CCSER1: variants seen among roughly 807,000 people sequenced by gnomAD.
The protein encoded by CCSER1 is coiled-coil serine rich protein 1, also known as serine-rich coiled-coil domain-containing protein 1.
A neutral mutation model predicts 82.0 loss-of-function variants in CCSER1; 41 were observed. The ratio of observed to expected loss-of-function variants is 0.50; its 90% CI spans 0.39 to 0.65. The LOEUF (loss-of-function observed/expected upper bound fraction) is 0.65, where lower values mean the gene tolerates loss of function less well. Among genes scored for constraint, CCSER1 ranks in the 30% least tolerant of loss-of-function variants. The probability of loss-of-function intolerance (pLI) is 0.00; values close to 1 mark genes in which losing one functional copy is unlikely to be tolerated. For missense variants in CCSER1, 1,119 were observed against 1,064.2 expected (o/e 1.05, Z -0.72); for synonymous variants, 414 against 383.9 (o/e 1.08, Z -0.92).
Position 90,536,532 on chromosome 4 carries a change from G to A in CCSER1, c.1724+68178G>A, listed in dbSNP as rs553577514. Among the ~76,000 whole-genome samples the A allele has an allele frequency of 2.5e-4, 38 of 152,266 alleles. No individual in the cohort carries two copies. In the East Asian group the frequency reaches 3.7e-3, roughly 15 times the overall value. On this transcript the variant is annotated intron_variant, in intron 5 of 10. Coordinates refer to ENST00000509176, the MANE Select transcript of CCSER1 (RefSeq NM_001145065.2). ...GATTATTGTACTCTAGAGGCAACCA[G>A]GTATTCAAGTGTGTGGCAACTGTGG... is the stretch of plus-strand genomic sequence containing the variant.
At chr4:90,581,761 T>A (rs1781435212) in intron 5 of CCSER1, among the ~76,000 whole-genome samples, 1 of 152,176 alleles carries the variant, frequency 6.6e-6, no homozygotes, top group South Asian at 2.1e-4. Flanking sequence ...TTTTGAGTTT[T>A]TGCATGGGGA....
chr4:91,253,609 G>A (rs1441809413), intron 10 of CCSER1, among the ~76,000 whole-genome samples: 1 of 152,088 alleles, frequency 6.6e-6, no homozygotes, highest in African/African-American at 2.4e-5. Flanking sequence ...ACTAATATTA[G>A]ACAAAATAGA....
chr4:90,752,244 G>T (rs1430245213), intron 7 of CCSER1, among the ~76,000 whole-genome samples: 1 of 152,076 alleles, frequency 6.6e-6, no homozygotes, highest in African/African-American at 2.4e-5. Context: ...ATAAATGGCA[G>T]AACCAAAATG....
intron 10 of CCSER1, among the ~76,000 whole-genome samples, chr4:91,391,921 T>C (rs1751673771): frequency 6.6e-6 from 1 of 152,132 alleles, no homozygotes. Context: ...AATTATTATA[T>C]ACATTTATGC....
At chr4:90,848,231 C>A (rs7662582) in intron 8 of CCSER1, among the ~76,000 whole-genome samples, 11,226 of 152,016 alleles carry the variant, frequency 0.074, 470 homozygotes, top group Non-Finnish European at 0.092. Flanking sequence ...TGATTTGTAC[C>A]CTGGTTTTGT....
chr4:90,576,566 T>A (rs1252844610), intron 5 of CCSER1, among the ~76,000 whole-genome samples: 3 of 152,198 alleles, frequency 2.0e-5, no homozygotes, highest in Non-Finnish European at 4.4e-5. Context: ...TGATGCTTTT[T>A]CTTTTCCATA....
In CCSER1 at chr4:91,496,630, G is replaced by C. The variant is rs1229168729; in HGVS notation, c.2218-101942G>C. ...TATATATATACACGAATATATATTT[G>C]AATATATATATATTCAATATATATT... On this transcript the variant is annotated intron_variant, in intron 10 of 10. Transcript: ENST00000509176. Among the ~76,000 whole-genome samples, 39 of 19,996 alleles carry C rather than the reference G, an allele frequency of 2.0e-3. 9 individuals carry two copies. The highest frequency in any genetic ancestry group is 4.2e-3 in the Non-Finnish European group (33 of 7,866). 13.1% of individuals were successfully genotyped at this position (19,996 alleles called of 152,430 possible).
At chr4:90,910,169 A>C (rs1726120210) in intron 8 of CCSER1, among the ~76,000 whole-genome samples, 1 of 152,174 alleles carries the variant, frequency 6.6e-6, no homozygotes, top group Non-Finnish European at 1.5e-5. Context: ...ATCTCGTGAG[A>C]ACTCACTATC....
At chr4:91,023,646 C>A (rs962015185) in intron 9 of CCSER1, among the ~76,000 whole-genome samples, 1 of 152,000 alleles carries the variant, frequency 6.6e-6, no homozygotes, top group Non-Finnish European at 1.5e-5. Flanking sequence ...CACCTTATAC[C>A]AAAATTAATT....
intron 7 of CCSER1, among the ~76,000 whole-genome samples, chr4:90,792,571 T>C (rs1477794539): frequency 6.6e-6 from 1 of 152,226 alleles, no homozygotes. Context: ...TTGTCAGCAC[T>C]GTGTCCTGTG....
At chr4:90,158,204 G>A (rs539819668) in intron 1 of CCSER1, among the ~76,000 whole-genome samples, 50 of 152,240 alleles carry the variant, frequency 3.3e-4, no homozygotes, top group Admixed American at 7.9e-4. Flanking sequence ...TTCGTGAACC[G>A]CAAATGCTGC....
At chr4:91,517,745 CGTGTGTGTGT>C (rs71579530) in intron 10 of CCSER1, among the ~76,000 whole-genome samples, 5,405 of 121,118 alleles carry the variant, frequency 0.045, 189 homozygotes, top group South Asian at 0.18. Flanking sequence ...AGTTCTTTCT[CGTGTGTGTGT>C]GTGTGTGTGT....
chr4:91,183,491 A>G (rs1734237816), intron 10 of CCSER1, among the ~76,000 whole-genome samples: 1 of 152,180 alleles, frequency 6.6e-6, no homozygotes. Context: ...ATTATCAGCA[A>G]TACCCACAAA....
chr4:91,305,473 A>G (rs1296384693), intron 10 of CCSER1, among the ~76,000 whole-genome samples: 3 of 152,054 alleles, frequency 2.0e-5, no homozygotes, highest in Non-Finnish European at 4.4e-5. Flanking sequence ...AAACACAAAT[A>G]ACTTGAGACA....
chr4:91,356,326 C>A (rs992391216), intron 10 of CCSER1, among the ~76,000 whole-genome samples: 2 of 152,166 alleles, frequency 1.3e-5, no homozygotes, highest in African/African-American at 4.8e-5. Context: ...ACGAAAAGCT[C>A]GTTGCTGTTG....
chr4:90,143,395 T>G (rs1725171496), intron 1 of CCSER1, among the ~76,000 whole-genome samples: 1 of 151,974 alleles, frequency 6.6e-6, no homozygotes, highest in Non-Finnish European at 1.5e-5. Flanking sequence ...ATTATTTAAA[T>G]AATATCTTTT....
chr4:90,247,905 T>A (rs1223266025), intron 1 of CCSER1, among the ~76,000 whole-genome samples: 23 of 152,112 alleles, frequency 1.5e-4, no homozygotes. Flanking sequence ...TGAAGCAATT[T>A]CCCAACCTGT....
chr4:91,262,863 C>A (rs998694217), intron 10 of CCSER1, among the ~76,000 whole-genome samples: 28 of 148,686 alleles, frequency 1.9e-4, no homozygotes, highest in Non-Finnish European at 2.8e-4. Flanking sequence ...AAAAAAAAAA[C>A]AAACATATTC....
At chr4:91,204,771 T>G (rs1368050129) in intron 10 of CCSER1, among the ~76,000 whole-genome samples, 2 of 151,834 alleles carry the variant, frequency 1.3e-5, no homozygotes. Flanking sequence ...TTCTTATTAT[T>G]AGTTGCCAGA....
Sources: gnomAD v4.1 joint callset for allele counts (sites outside exome capture counted in the v4.1 genomes callset) on GRCh38, gnomAD v4.1.1 for gene constraint, MANE v1.5 for transcripts, NCBI Gene and HGNC (gene_info 2026-07-23, HGNC 2026-07-21) for gene names.